NAV3: variants seen among roughly 807,000 people sequenced by gnomAD.
NAV3 encodes the protein pore membrane and/or filament interacting like protein 1.
A neutral mutation model predicts 244.7 loss-of-function variants in NAV3; 87 were observed. The observed-to-expected ratio is 0.36, with a 90% confidence interval of 0.30 to 0.42. The LOEUF is 0.42. Among genes scored for constraint, NAV3 ranks in the 20% least tolerant of loss-of-function variants. NAV3 has a pLI of 1.00. For synonymous variants in NAV3, 1,126 were observed against 1,042.2 expected, an observed-to-expected ratio of 1.08 and a Z score of -1.55; for missense variants, 2,663 against 2,893.3, an observed-to-expected ratio of 0.92 and a Z score of 1.83.
chr12:77,813,343 G>A (rs576362706), intron 2 of NAV3, among the ~76,000 whole-genome samples: 1 of 152,132 alleles, frequency 6.6e-6, no homozygotes, highest in African/African-American at 2.4e-5. Flanking sequence ...ATATATCAGG[G>A]TTCTCTGCCT....
intron 3 of NAV3, among the ~76,000 whole-genome samples, chr12:77,946,083 A>T (rs973983311): frequency 1.6e-5 from 2 of 126,442 alleles, no homozygotes; most frequent in African/African-American, 6.1e-5. Context: ...ATAAAGAAAA[A>T]TTCACCATAT....
chr12:78,177,259 A>C lies in NAV3; in HGVS notation c.5243A>C (p.His1748Pro). 1 of 1,613,610 alleles carries C rather than the reference A, an allele frequency of 6.2e-7. No individual in the cohort carries two copies. The highest frequency in any genetic ancestry group is 8.5e-7 in the Non-Finnish European group (1 of 1,179,680). The stretch of plus-strand genomic sequence containing the variant: ...CTTCCGGCATCCCCCAAGTTACCCC[A>C]TAATGCTGGTGACTGTGGCTCAGCA... Reference protein sequence around the residue: ...SSLPASPKLPHNAGDCGSASM... With the variant: ...SSLPASPKLPPNAGDCGSASM... Residue 1748 changes from histidine (H) to proline (P), a missense_variant, in exon 27 of 40, where the codon CAT (histidine) becomes CCT (proline). His to Pro is a moderately conservative substitution (Grantham distance 77). This residue lies in a region of NAV3 where 193 missense variants were observed against 200.7 expected (regional missense o/e 0.96). Coordinates refer to ENST00000397909, the MANE Select transcript of NAV3 (RefSeq NM_001024383.2).
chr12:77,704,254 T>A (rs1391421466), intron 2 of NAV3, among the ~76,000 whole-genome samples: 2 of 152,200 alleles, frequency 1.3e-5, no homozygotes, highest in Non-Finnish European at 2.9e-5. Flanking sequence ...AATATGCTTT[T>A]GTCTGTGTAT....
At chr12:77,980,375 G>A (rs1593184601) in intron 5 of NAV3, among the ~76,000 whole-genome samples, 1 of 152,094 alleles carries the variant, frequency 6.6e-6, no homozygotes, top group Non-Finnish European at 1.5e-5. Context: ...TGATAGACTA[G>A]ATTTTCTCAC....
intron 11 of NAV3, 116 bp downstream of exon 11, chr12:78,051,263 T>C: frequency 8.8e-7 from 1 of 1,139,238 alleles, no homozygotes. Context: ...ACATATGAGA[T>C]ATCTGAGGTT....
intron 12 of NAV3, among the ~76,000 whole-genome samples, chr12:78,097,834 C>G (rs1954335499): frequency 6.6e-6 from 1 of 152,016 alleles, no homozygotes; most frequent in South Asian, 2.1e-4. Context: ...TTTTACATAA[C>G]GTTTCCCTTT....
At chr12:77,901,009 G>T (rs559887301) in intron 1 of NAV3, among the ~76,000 whole-genome samples, 4 of 152,178 alleles carry the variant, frequency 2.6e-5, no homozygotes, top group African/African-American at 4.8e-5. Flanking sequence ...TTTCATGTTT[G>T]TTGGCCCCTT....
At position 77,926,339 on chromosome 12, in the gene NAV3, G is replaced by C. The variant is rs528197509; in HGVS notation, c.244-13980G>C. On this transcript the variant is annotated intron_variant, in intron 1 of 39. Coordinates refer to ENST00000397909, the MANE Select transcript of NAV3 (RefSeq NM_001024383.2). ...CATAGGAATGAATGCTTTGCAAGGA[G>C]GATTGTTGTAGGCAATGCTTACCTT... Among the ~76,000 whole-genome samples, 12 of 152,184 alleles carry C rather than the reference G, an allele frequency of 7.9e-5. No individual in the cohort carries two copies. The South Asian group carries it at 2.3e-3, about 29-fold the overall frequency.
intron 11 of NAV3, among the ~76,000 whole-genome samples, chr12:78,056,696 C>T (rs1285465893): frequency 6.6e-6 from 1 of 151,962 alleles, no homozygotes; most frequent in Non-Finnish European, 1.5e-5. Context: ...ACCACTGCAC[C>T]CCAGCCTGGG....
intron 3 of NAV3, among the ~76,000 whole-genome samples, chr12:77,949,686 A>G (rs1289350269): frequency 6.6e-6 from 1 of 152,030 alleles, no homozygotes; most frequent in Non-Finnish European, 1.5e-5. Flanking sequence ...ATTAATAAAC[A>G]TATATTGAAA....
intron 1 of NAV3, among the ~76,000 whole-genome samples, chr12:77,861,177 G>C (rs1183855270): frequency 6.6e-6 from 1 of 151,628 alleles, no homozygotes; most frequent in Non-Finnish European, 1.5e-5. Flanking sequence ...TATTTACATG[G>C]TTATAATTGA....
intron 2 of NAV3, among the ~76,000 whole-genome samples, chr12:77,774,970 G>A (rs1427744367): frequency 1.2e-4 from 18 of 152,194 alleles, no homozygotes; most frequent in Admixed American, 9.8e-4. Flanking sequence ...CCTGGTCATA[G>A]TATGAGGAAG....
chr12:78,172,821 A>G (rs1313053945), intron 24 of NAV3, among the ~76,000 whole-genome samples: 1 of 151,644 alleles, frequency 6.6e-6, no homozygotes, highest in Non-Finnish European at 1.5e-5. Context: ...TGTAGGCCAT[A>G]TTTAGAAGTT....
intron 2 of NAV3, among the ~76,000 whole-genome samples, chr12:77,740,999 C>T (rs1190705405): frequency 6.6e-6 from 1 of 151,692 alleles, no homozygotes; most frequent in Non-Finnish European, 1.5e-5. Context: ...AGGATTCCTG[C>T]TTGGGATAAA....
intron 12 of NAV3, among the ~76,000 whole-genome samples, chr12:78,074,596 C>T (rs777061766): frequency 3.9e-5 from 6 of 152,018 alleles, no homozygotes; most frequent in Non-Finnish European, 7.4e-5. Context: ...CTTAGCTACT[C>T]GGGAGGCTGG....
chr12:78,200,728 T>G (rs1959578248), intron 38 of NAV3, 137 bp downstream of exon 38: 1 of 428,546 alleles, frequency 2.3e-6, no homozygotes, highest in Non-Finnish European at 4.0e-6. Flanking sequence ...GCAATAAGGT[T>G]TTCAAGAGCA....
intron 2 of NAV3, among the ~76,000 whole-genome samples, chr12:77,608,752 C>A (rs909505543): frequency 6.6e-6 from 1 of 152,006 alleles, no homozygotes; most frequent in Non-Finnish European, 1.5e-5. Flanking sequence ...TCCCATCAAT[C>A]CTCCCTTTGA....
Position 77,908,373 on chromosome 12 carries a change from A to G in NAV3, c.244-31946A>G, listed in dbSNP as rs73142070. ...GCTAAATACATTGTCCTTCACTGAAAAGCTTGGAAGTCTTTTATTCACTTA... is the reference window on the plus strand; with the variant it reads ...GCTAAATACATTGTCCTTCACTGAAGAGCTTGGAAGTCTTTTATTCACTTA... On this transcript the variant is annotated intron_variant, in intron 1 of 39. Coordinates refer to ENST00000397909, the MANE Select transcript of NAV3 (RefSeq NM_001024383.2). 8.9e-3 allele frequency among the ~76,000 whole-genome samples: 1,362 copies of G among 152,184 alleles called. 12 individuals are homozygous for G. Among genetic ancestry groups the G allele is most frequent in the Non-Finnish European group, 0.014 (962 of 67,946 alleles).
intron 5 of NAV3, among the ~76,000 whole-genome samples, chr12:77,977,291 T>G (rs547110069): frequency 6.6e-6 from 1 of 152,290 alleles, no homozygotes; most frequent in South Asian, 2.1e-4. Flanking sequence ...GAGAGAGATG[T>G]ACAATTTGTA....
Sources: gnomAD v4.1 joint callset for allele counts (sites outside exome capture counted in the v4.1 genomes callset) on GRCh38, gnomAD v4.1.1 for gene constraint, gnomAD v4.1.1 regional missense constraint, MANE v1.5 for transcripts, NCBI Gene and HGNC (gene_info 2026-07-23, HGNC 2026-07-21) for gene names.